The following ATMIN variants were observed in gnomAD, a reference collection of about 807,000 sequenced individuals.
ATMIN encodes ATM interactor, also known as ATM INteracting protein.
Under a neutral mutation model 49.2 loss-of-function variants are expected in ATMIN, and 24 were observed. The ratio of observed to expected loss-of-function variants is 0.49; its 90% CI spans 0.35 to 0.69. The LOEUF (loss-of-function observed/expected upper bound fraction) is 0.69. Among genes scored for constraint, ATMIN ranks in the 30% least tolerant of loss-of-function variants. The pLI, the probability that ATMIN is intolerant of heterozygous loss-of-function variation, is 0.00. For synonymous variants in ATMIN, 450 were observed against 392.5 expected (o/e 1.15, Z -1.73); for missense variants, 1,037 against 1,005.5 (o/e 1.03, Z -0.42).
chr16:81,043,538 C>G lies in ATMIN; in HGVS notation c.1040C>G (p.Ser347Ter). ...ATGAVHLMPLSVGTLILGLDS... is the reference protein window; with the variant it reads ...ATGAVHLMPL ...GGGGCTGTGCACTTAATGCCCTTGT[C>G]AGTAGGAACCCTGATCCTCGGCCTA... The change falls in exon 4 of 4, where the codon TCA becomes TGA. Residue 347 changes from serine to a stop codon, truncating the protein, a stop_gained. Transcript: ENST00000299575. LOFTEE classifies it high-confidence loss of function. The G allele has an allele frequency of 6.2e-7, 1 of 1,614,038 alleles. No homozygotes were observed. Among genetic ancestry groups the G allele is most frequent in the Middle Eastern group, 1.7e-4 (1 of 5,988 alleles).
intron 1 of ATMIN, among the ~76,000 whole-genome samples, chr16:81,039,031 A>C (rs1211865524): frequency 7.9e-5 from 12 of 152,154 alleles, no homozygotes; most frequent in Admixed American, 7.9e-4. Flanking sequence ...CCTGACCTCA[A>C]GTGATCCGCC....
In ATMIN at chr16:81,043,511, C is replaced by T; in HGVS notation, c.1013C>T (p.Thr338Ile). Residue 338 changes from threonine (T) to isoleucine (I), a missense_variant, in exon 4 of 4, where the codon ACA (threonine) becomes ATA (isoleucine). By Grantham distance (89) the Thr-to-Ile change is moderately conservative. Coordinates refer to ENST00000299575, the MANE Select transcript of ATMIN (RefSeq NM_015251.3). ...TTAGGTGTTGATCAGGGCTCTGCCA[C>T]AGGGGCTGTGCACTTAATGCCCTTG... ...VVLGVDQGSATGAVHLMPLSV... is the reference protein window; with the variant it reads ...VVLGVDQGSAIGAVHLMPLSV... 1.9e-6 allele frequency: 3 copies of T among 1,614,116 alleles called. No homozygotes were observed. The highest frequency in any genetic ancestry group is 2.5e-6 in the Non-Finnish European group (3 of 1,180,024).
chr16:81,039,952 A>G (rs1381019727), intron 1 of ATMIN, among the ~76,000 whole-genome samples: 2 of 152,220 alleles, frequency 1.3e-5, no homozygotes, highest in Non-Finnish European at 2.9e-5. Flanking sequence ...CTTTCTCGGA[A>G]GGCAGTCAGG....
At chr16:81,040,829 G>T (rs77897910) in intron 1 of ATMIN, 2,678 of 155,814 alleles carry the variant, frequency 0.017, 42 homozygotes, top group South Asian at 0.035. Context: ...GAGACTGAAG[G>T]TCTAGAAATT....
chr16:81,041,318 T>G (rs1971033854), intron 1 of ATMIN, 38 bp from the exon 2 acceptor site: 1 of 1,582,170 alleles, frequency 6.3e-7, no homozygotes, highest in Non-Finnish European at 8.6e-7. Flanking sequence ...TGTGTTGTTT[T>G]TTTGAAATAA....
intron 1 of ATMIN, among the ~76,000 whole-genome samples, chr16:81,038,643 C>T (rs1010581012): frequency 2.6e-5 from 4 of 152,094 alleles, no homozygotes; most frequent in Non-Finnish European, 4.4e-5. Context: ...GAGATCTGTA[C>T]CTTGTCTGGT....
At position 81,043,376 on chromosome 16, in the gene ATMIN, A is replaced by AC. The variant is rs1480207686; in HGVS notation, c.878_879insC (p.Lys293AsnfsTer13). 1 of 1,613,824 alleles carries AC rather than the reference A, an allele frequency of 6.2e-7. No individual in the cohort carries two copies. The highest frequency in any genetic ancestry group is 8.5e-7 in the Non-Finnish European group (1 of 1,180,000). ...ACAACACCACCGAGATATCCTCAGA[A>AC]GTTGCTTTTACCAAAGCCCAAAGTG... On this transcript the variant is annotated frameshift_variant, in exon 4 of 4. Transcript: ENST00000299575. LOFTEE classifies it high-confidence loss of function.
In ATMIN at chr16:81,043,733, A is replaced by G. The variant is rs571600025; in HGVS notation, c.1235A>G (p.Asn412Ser). Reference sequence around the variant, plus strand: ...CAAAAGAATAGCATTTCTTCAATCAACGTGCAGACAGATCTGTCTTATGCC... The same window carrying G: ...CAAAAGAATAGCATTTCTTCAATCAGCGTGCAGACAGATCTGTCTTATGCC... ...TCQKNSISSI[N>S]VQTDLSYASQ... The change falls in exon 4 of 4, where the codon AAC becomes AGC. Residue 412 changes from asparagine (N) to serine (S), a missense_variant. Physicochemically the swap from Asn to Ser is conservative, Grantham distance 46. Transcript: ENST00000299575. 25 of 1,614,136 alleles carry G rather than the reference A, an allele frequency of 1.5e-5. No homozygotes were observed. In the Admixed American group the frequency reaches 2.7e-4, roughly 17 times the overall value.
At position 81,044,056 on chromosome 16, in the gene ATMIN, A is replaced by C; in HGVS notation, c.1558A>C (p.Ser520Arg). ...TGGAATGTGCGGAGACATTTTTGAG[A>C]GTGTTCATTCATCATATAATGTTGC... ...QAGMCGDIFE[S>R]VHSSYNVATG... The change falls in exon 4 of 4, where the codon AGT becomes CGT. Residue 520 changes from serine (S) to arginine (R), a missense_variant. By Grantham distance (110) the Ser-to-Arg change is moderately radical. Transcript: ENST00000299575. The C allele has an allele frequency of 6.2e-7, 1 of 1,614,220 alleles. No homozygotes were observed. Among genetic ancestry groups the C allele is most frequent in the Non-Finnish European group, 8.5e-7 (1 of 1,180,038 alleles).
intron 1 of ATMIN, 25 bp downstream of exon 1, chr16:81,036,231 CG>C: frequency 3.6e-5 from 49 of 1,354,868 alleles, no homozygotes; most frequent in Middle Eastern, 2.9e-4. Flanking sequence ...GCCGGCGGCC[CG>C]GGGGGCCGGG....
intron 1 of ATMIN, chr16:81,040,782 T>G (rs979690269): frequency 1.9e-5 from 3 of 154,846 alleles, no homozygotes; most frequent in African/African-American, 7.2e-5. Context: ...GAAGCTATAC[T>G]TGAGAAAGGT....
chr16:81,036,114 A>G lies in ATMIN; in HGVS notation c.244A>G (p.Thr82Ala), dbSNP rs746117342. ...SVSELSRAVR[T>A]NILCTVRGCG... ...GAGCGAGCTGTCCCGGGCCGTGCGG[A>G]CCAACATCCTGTGCACCGTGCGCGG... Residue 82 changes from threonine to alanine, a missense_variant, in exon 1 of 4, where the codon ACC becomes GCC. By Grantham distance (58) the Thr-to-Ala change is moderately conservative (BLOSUM62 0). Coordinates refer to ENST00000299575, the MANE Select transcript of ATMIN (RefSeq NM_015251.3). The G allele has an allele frequency of 1.4e-6, 2 of 1,435,650 alleles. No individual in the cohort carries two copies. Among genetic ancestry groups the G allele is most frequent in the Non-Finnish European group, 9.2e-7 (1 of 1,084,608 alleles). 88.9% of individuals were successfully genotyped at this position (1,435,650 alleles called of 1,614,324 possible). A position where few individuals can be genotyped will look rare whatever the true frequency, so the allele number is the denominator to read the frequency against.
chr16:81,045,302 G>T lies in ATMIN; in HGVS notation c.*332G>T. ...CTGAAGCCCAGCTTACCAGGTTCAA[G>T]GGTACAAACTTCTCAAATCTTCAAA... On this transcript the variant is annotated 3_prime_UTR_variant, in exon 4 of 4. Coordinates refer to ENST00000299575, the MANE Select transcript of ATMIN (RefSeq NM_015251.3). The T allele has an allele frequency of 4.2e-6, 1 of 240,042 alleles. No individual in the cohort carries two copies. The highest frequency in any genetic ancestry group is 8.0e-6 in the Non-Finnish European group (1 of 124,628). The allele number at this position is 240,042 out of a possible 1,614,324, so 14.9% of individuals were successfully genotyped here. A position where few individuals can be genotyped will look rare whatever the true frequency, so the allele number is the denominator to read the frequency against.
chr16:81,039,539 T>C (rs978967209), intron 1 of ATMIN, among the ~76,000 whole-genome samples: 1 of 152,200 alleles, frequency 6.6e-6, no homozygotes, highest in Admixed American at 6.5e-5. Context: ...CTAAGGTATA[T>C]GGCCATATTC....
At chr16:81,037,499 G>A (rs1389307570) in intron 1 of ATMIN, 1 of 985,476 alleles carries the variant, frequency 1.0e-6, no homozygotes, top group Non-Finnish European at 1.2e-6. Context: ...GACCGTGCAG[G>A]TGGGGCCGAA....
In ATMIN at chr16:81,037,544, A is replaced by G. The variant is rs1010865536; in HGVS notation, c.336+1338A>G. The stretch of plus-strand genomic sequence containing the variant: ...TGAAAAGCTCTGGGTTTCTTTCAGC[A>G]CTCAAGTGTAACTCTGGGAATGGCT... On this transcript the variant is annotated intron_variant, in intron 1 of 3. Coordinates refer to ENST00000299575, the MANE Select transcript of ATMIN (RefSeq NM_015251.3). 5 of 958,894 alleles carry G rather than the reference A, an allele frequency of 5.2e-6. No individual in the cohort carries two copies. In the African/African-American group the frequency reaches 8.8e-5, roughly 17 times the overall value. The allele number at this position is 958,894 out of a possible 1,614,324, so 59.4% of individuals were successfully genotyped here.
intron 1 of ATMIN, 119 bp downstream of exon 1, chr16:81,036,325 G>GC: frequency 1.0e-6 from 1 of 959,478 alleles, no homozygotes; most frequent in Non-Finnish European, 1.3e-6. Context: ...CGCTGCCGCT[G>GC]CCCCACCGGC....
rs956472082 is a variant in ATMIN at position 81,045,907 on chromosome 16, G to C, written c.*937G>C. ...CTGAGGTGAGAGGATCACTCGAGGA[G>C]ATTGGGGCTGCCATGAGCCATGGTC... On this transcript the variant is annotated 3_prime_UTR_variant, in exon 4 of 4. Transcript: ENST00000299575. 3.3e-5 allele frequency: 5 copies of C among 150,990 alleles called. No individual in the cohort carries two copies. Among genetic ancestry groups the C allele is most frequent in the African/African-American group, 1.2e-4 (5 of 41,004 alleles). The allele number at this position is 150,990 out of a possible 1,614,324, so 9.4% of individuals were successfully genotyped here. A position where few individuals can be genotyped will look rare whatever the true frequency, so the allele number is the denominator to read the frequency against.
Position 81,045,072 on chromosome 16 carries a change from T to C in ATMIN, c.*102T>C. On this transcript the variant is annotated 3_prime_UTR_variant, in exon 4 of 4. Coordinates refer to ENST00000299575, the MANE Select transcript of ATMIN (RefSeq NM_015251.3). ...TATTAATTCGATTGAATGTGGCTGATGATGCAGTTGCTTAGCTTCTTTGTG... is the reference window on the plus strand; with the variant it reads ...TATTAATTCGATTGAATGTGGCTGACGATGCAGTTGCTTAGCTTCTTTGTG... 1.4e-6 allele frequency: 2 copies of C among 1,432,222 alleles called. No homozygotes were observed. Among genetic ancestry groups the C allele is most frequent in the Non-Finnish European group, 1.9e-6 (2 of 1,065,082 alleles). The allele number at this position is 1,432,222 out of a possible 1,614,324, so 88.7% of individuals were successfully genotyped here.
Sources: gnomAD v4.1 joint callset for allele counts (sites outside exome capture counted in the v4.1 genomes callset) on GRCh38, gnomAD v4.1.1 for gene constraint, MANE v1.5 for transcripts, NCBI Gene and HGNC (gene_info 2026-07-23, HGNC 2026-07-21) for gene names.